ABR: variants seen among roughly 807,000 people sequenced by gnomAD.
ABR encodes the protein ABR activator of RhoGEF and GTPase.
ABR carries 35 observed loss-of-function variants against 107.2 expected under a neutral mutation model. The observed-to-expected ratio is 0.33, with a 90% CI of 0.25 to 0.43. The LOEUF is 0.43. Ranked by LOEUF, ABR falls within the 20% of genes least tolerant of loss-of-function variation. ABR has a pLI of 1.00. For synonymous variants in ABR, 498 were observed against 462.0 expected, an observed-to-expected ratio of 1.08 and a Z score of -1.00; for missense variants, 815 against 1,115.2, an observed-to-expected ratio of 0.73 and a Z score of 3.83.
rs1020903403 is a variant in ABR, at chr17:1,070,920, TG to T, written c.895-831del. 3.3e-5 allele frequency among the ~76,000 whole-genome samples: 5 copies of T among 152,152 alleles called. No homozygotes were observed. Among genetic ancestry groups the T allele is most frequent in the Non-Finnish European group, 7.4e-5 (5 of 68,016 alleles). On this transcript the variant is annotated intron_variant, in intron 8 of 22. Coordinates refer to ENST00000302538, the MANE Select transcript of ABR (RefSeq NM_021962.5). The surrounding 1 kb of genome is among the most constrained non-coding windows in gnomAD (Gnocchi z 4.2). ...GTTCACACCTGTCATCCCAGCAATT[TG>T]GGAGGCTGAGGCGGGTGGATCACCT...
chr17:1,184,667 CTTT>C (rs35617329), upstream of ABR, among the ~76,000 whole-genome samples: 1 of 145,672 alleles, frequency 6.9e-6, no homozygotes, highest in Non-Finnish European at 1.5e-5. Context: ...TTATTGAGTG[CTTT>C]TTTTTTTTTG....
chr17:1,009,999 C>T (rs904658485), intron 20 of ABR: 17 of 599,024 alleles, frequency 2.8e-5, no homozygotes, highest in Admixed American at 1.5e-4. Context: ...GCCAGGAGGC[C>T]GGCTGGTGGG....
Position 1,051,374 on chromosome 17 carries a change from G to A in ABR, c.1562-740C>T, listed in dbSNP as rs1002080284. Among the ~76,000 whole-genome samples, 9 of 152,058 alleles carry A rather than the reference G, an allele frequency of 5.9e-5. No homozygotes were observed. The highest frequency in any genetic ancestry group is 1.9e-4 in the East Asian group (1 of 5,180). On this transcript the variant is annotated intron_variant, in intron 14 of 22. Coordinates refer to ENST00000302538, the MANE Select transcript of ABR (RefSeq NM_021962.5). This position sits in a 1 kb window ranked among gnomAD's most constrained non-coding sequence, Gnocchi z 4.3. Reference sequence around the variant, plus strand: ...GGAACCCAGCTGGCACACGGTGAACGAGGCTCCCACCACCACCAAGCGCTC... The same window carrying A: ...GGAACCCAGCTGGCACACGGTGAACAAGGCTCCCACCACCACCAAGCGCTC...
chr17:1,111,846 T>C (rs961716717), intron 2 of ABR, among the ~76,000 whole-genome samples: 1 of 152,146 alleles, frequency 6.6e-6, no homozygotes, highest in Non-Finnish European at 1.5e-5. Flanking sequence ...GGGCTCTAGG[T>C]CTAGCACCTG....
chr17:1,012,996 G>T, intron 17 of ABR, 109 bp downstream of exon 17: 1 of 1,371,726 alleles, frequency 7.3e-7, no homozygotes, highest in Non-Finnish European at 1.0e-6. Flanking sequence ...CGGGGAGGTC[G>T]AGGCGGCACA....
intron 1 of ABR, among the ~76,000 whole-genome samples, chr17:1,156,545 G>A (rs918493177): frequency 2.6e-5 from 4 of 152,120 alleles, no homozygotes; most frequent in Admixed American, 6.5e-5. Context: ...TTAGCCAGAC[G>A]TGGTGGCGCA....
chr17:1,114,816 A>G (rs2038910448), intron 2 of ABR, among the ~76,000 whole-genome samples: 1 of 152,064 alleles, frequency 6.6e-6, no homozygotes, highest in Admixed American at 6.5e-5. Context: ...GGGCTGGGGA[A>G]CAGACAGGAG....
chr17:1,192,382 A>T (rs1232695449), intron 1 of ABR, among the ~76,000 whole-genome samples: 2 of 102,428 alleles, frequency 2.0e-5, no homozygotes, highest in East Asian at 4.1e-4. Flanking sequence ...CATGCCCAGA[A>T]ATCACAGAGA....
chr17:1,091,328 C>A (rs1374057091), intron 4 of ABR, among the ~76,000 whole-genome samples: 4 of 114,410 alleles, frequency 3.5e-5, no homozygotes, highest in Non-Finnish European at 5.7e-5. Flanking sequence ...GAGCACCCTC[C>A]GGGAGGGAGA....
intron 1 of ABR, among the ~76,000 whole-genome samples, chr17:1,222,633 C>A (rs1029581387): frequency 2.6e-5 from 4 of 152,142 alleles, no homozygotes; most frequent in Admixed American, 2.0e-4. Flanking sequence ...GTCTCAGGGC[C>A]AAGTGTGGTG....
chr17:1,166,846 A>G (rs565450962), intron 1 of ABR, among the ~76,000 whole-genome samples: 2 of 152,140 alleles, frequency 1.3e-5, no homozygotes, highest in Non-Finnish European at 2.9e-5. Flanking sequence ...CTAAAAATAC[A>G]GAAACATTAG....
Position 1,043,357 on chromosome 17 carries a change from T to TG in ABR, c.1791+6692dup, listed in dbSNP as rs1041362732. Reference sequence around the variant, plus strand: ...TAATTTTTTTTAATCTTTGTAGAGATGGGGTCTCACCATGTTGGCCAGGCT... The same window carrying TG: ...TAATTTTTTTTAATCTTTGTAGAGATGGGGGTCTCACCATGTTGGCCAGGCT... On this transcript the variant is annotated intron_variant, in intron 16 of 22. Coordinates refer to ENST00000302538, the MANE Select transcript of ABR (RefSeq NM_021962.5). Among the ~76,000 whole-genome samples the TG allele has an allele frequency of 3.7e-4, 57 of 152,172 alleles. 1 individual carries two copies. Among genetic ancestry groups the TG allele is most frequent in the Middle Eastern group, 3.4e-3 (1 of 294 alleles).
rs2150716319 is a variant in ABR, at chr17:1,010,102, A to C, written c.2237-318T>G. 2.3e-6 allele frequency: 1 copy of C among 437,826 alleles called. No individual in the cohort carries two copies. The highest frequency in any genetic ancestry group is 3.1e-5 in the South Asian group (1 of 32,402). The allele number at this position is 437,826 out of a possible 1,614,324, so 27.1% of individuals were successfully genotyped here. A position where few individuals can be genotyped will look rare whatever the true frequency, so the allele number is the denominator to read the frequency against. ...GGACACCCCCTGGTCTGTGTGGCTA[A>C]GGTTAAGCCAGTAGGGACATATCCT... On this transcript the variant is annotated intron_variant, in intron 20 of 22. Transcript: ENST00000302538. The surrounding 1 kb of genome is among the most constrained non-coding windows in gnomAD (Gnocchi z 4.1).
chr17:1,170,070 C>A (rs1598039736), intron 1 of ABR, among the ~76,000 whole-genome samples: 1 of 151,998 alleles, frequency 6.6e-6, no homozygotes, highest in African/African-American at 2.4e-5. Context: ...TCCAGGAACA[C>A]AGCAATGCAG....
chr17:1,098,450 C>T (rs1399966214), intron 3 of ABR, among the ~76,000 whole-genome samples: 2 of 152,174 alleles, frequency 1.3e-5, no homozygotes, highest in Non-Finnish European at 2.9e-5. Flanking sequence ...TATACAGGCA[C>T]ACAGACAGAC....
chr17:1,026,405 G>A (rs190660984), intron 16 of ABR, among the ~76,000 whole-genome samples: 209 of 152,334 alleles, frequency 1.4e-3, no homozygotes, highest in Non-Finnish European at 2.7e-3. Flanking sequence ...TCACGGCTCT[G>A]GCTGTGCCGG....
chr17:1,125,103 C>A (rs1220861655), intron 2 of ABR, 80 bp downstream of exon 2: 3 of 1,434,664 alleles, frequency 2.1e-6, no homozygotes, highest in East Asian at 2.3e-5. Flanking sequence ...CGAGACCAAC[C>A]CAAGCAGGGC....
rs530437848 is a variant in ABR, at chr17:1,148,767, C to A, written c.62-23400G>T. On this transcript the variant is annotated intron_variant, in intron 1 of 22. Coordinates refer to ENST00000302538, the MANE Select transcript of ABR (RefSeq NM_021962.5). This position sits in a 1 kb window ranked among gnomAD's most constrained non-coding sequence, Gnocchi z 4.9. The stretch of plus-strand genomic sequence containing the variant: ...TCACAGATGCGGAGTCTCAGTTTAG[C>A]CAGGTGAGAGTTCCGGAGATGACGG... Among the ~76,000 whole-genome samples the A allele has an allele frequency of 1.1e-4, 16 of 152,290 alleles. 1 individual carries two copies. Among genetic ancestry groups the A allele is most frequent in the South Asian group, 1.0e-3 (5 of 4,826 alleles).
intron 3 of ABR, among the ~76,000 whole-genome samples, chr17:1,096,024 C>T (rs753046031): frequency 2.0e-4 from 30 of 152,320 alleles, no homozygotes; most frequent in African/African-American, 6.7e-4. Context: ...GTGGCCCCAG[C>T]GTAGCAAGAC....
Sources: gnomAD v4.1 joint callset for allele counts (sites outside exome capture counted in the v4.1 genomes callset) on GRCh38, gnomAD v4.1.1 for gene constraint, Gnocchi (gnomAD v3.1) non-coding constraint, MANE v1.5 for transcripts, NCBI Gene and HGNC (gene_info 2026-07-23, HGNC 2026-07-21) for gene names.